The following JAK3 variants were observed in gnomAD, a reference collection of about 807,000 sequenced individuals.
JAK3 encodes Janus kinase 3, also known as tyrosine-protein kinase JAK3.
A neutral mutation model predicts 120.8 loss-of-function variants in JAK3; 88 were observed. The observed-to-expected ratio is 0.73, with a 90% confidence interval of 0.61 to 0.87. JAK3 has a LOEUF of 0.87. Ranked by LOEUF, JAK3 falls within the 40% of genes least tolerant of loss-of-function variation. The pLI is 0.00. For missense variants in JAK3, 1,254 were observed against 1,501.4 expected (o/e 0.84, Z 2.72); for synonymous variants, 592 against 628.6 (o/e 0.94, Z 0.87).
chr19:17,843,267 C>T lies in JAK3; in HGVS notation c.421-95G>A, dbSNP rs2094244516. 1.3e-6 allele frequency: 2 copies of T among 1,540,106 alleles called. No individual in the cohort carries two copies. Among genetic ancestry groups the T allele is most frequent in the African/African-American group, 1.4e-5 (1 of 73,014 alleles). On this transcript the variant is annotated intron_variant, in intron 4 of 23. Coordinates refer to ENST00000458235, the MANE Select transcript of JAK3 (RefSeq NM_000215.4). The surrounding 1 kb of genome is among the most constrained non-coding windows in gnomAD (Gnocchi z 5.4). ...CCCCCCAATCCTGGGCTGACCCCCA[C>T]CCCTGGACTGCCACAGGGAGGGTCA...
At chr19:17,846,677 T>C (rs2094252859) in intron 1 of JAK3, among the ~76,000 whole-genome samples, 1 of 151,908 alleles carries the variant, frequency 6.6e-6, no homozygotes, top group Non-Finnish European at 1.5e-5. Context: ...CTCTGCCTCC[T>C]GGGTTCAAGC....
At position 17,825,087 on chromosome 19, in the gene JAK3, C is replaced by T. The variant is rs2094201733; in HGVS notation, c.*1656G>A. On this transcript the variant is annotated 3_prime_UTR_variant, in exon 24 of 24. Transcript: ENST00000458235. ...GGAGGAGCAGCAGAAGCTTAACCTGCATGAGAATCCCTCTCACCAGTCAGA... is the reference window on the plus strand; with the variant it reads ...GGAGGAGCAGCAGAAGCTTAACCTGTATGAGAATCCCTCTCACCAGTCAGA... 4.4e-6 allele frequency: 1 copy of T among 229,196 alleles called. No individual in the cohort carries two copies. Among genetic ancestry groups the T allele is most frequent in the Non-Finnish European group, 8.7e-6 (1 of 115,562 alleles). 14.2% of individuals were successfully genotyped at this position (229,196 alleles called of 1,614,324 possible).
rs3212730 is a variant in JAK3 at position 17,841,800 on chromosome 19, T to G, written c.862-38A>C. The G allele has an allele frequency of 0.24, 381,919 of 1,597,690 alleles. 46,751 individuals are homozygous for G. The highest frequency in any genetic ancestry group is 0.32 in the Admixed American group (19,208 of 59,884). On this transcript the variant is annotated intron_variant, in intron 6 of 23. Coordinates refer to ENST00000458235, the MANE Select transcript of JAK3 (RefSeq NM_000215.4). The surrounding 1 kb of genome is among the most constrained non-coding windows in gnomAD (Gnocchi z 4.1). ...GGGAGTACCGAAGTGGGGGCCCAGC[T>G]GGACCCCGCCAAACCACGCCCATGA...
chr19:17,837,114 G>A lies in JAK3; in HGVS notation c.1786+15C>T, dbSNP rs751408569. The A allele has an allele frequency of 3.7e-6, 5 of 1,346,034 alleles. No homozygotes were observed. The highest frequency in any genetic ancestry group is 3.3e-5 in the East Asian group (1 of 29,884). The allele number at this position is 1,346,034 out of a possible 1,614,324, so 83.4% of individuals were successfully genotyped here. A position where few individuals can be genotyped will look rare whatever the true frequency, so the allele number is the denominator to read the frequency against. On this transcript the variant is annotated intron_variant, in intron 13 of 23. Transcript: ENST00000458235. ...GGTGAGGCAGGGGTGGGGTGGGTGG[G>A]TGGGGGGCTCTCACTGTCTCCAGCC...
chr19:17,826,984 G>A lies in JAK3; in HGVS notation c.3208-74C>T, dbSNP rs115332460. 1,508 of 1,528,668 alleles carry A rather than the reference G, an allele frequency of 9.9e-4. 14 individuals carry two copies. The African/African-American group carries it at 0.017, about 17-fold the overall frequency. The allele number at this position is 1,528,668 out of a possible 1,614,324, so 94.7% of individuals were successfully genotyped here. On this transcript the variant is annotated intron_variant, in intron 23 of 23. Coordinates refer to ENST00000458235, the MANE Select transcript of JAK3 (RefSeq NM_000215.4). ...GACACAACTCCCATTCAGCGTATTT[G>A]TTTTTGTTTTTTTGAGACGGAGTCT...
chr19:17,831,678 C>CAGAT lies in JAK3; in HGVS notation c.2797_2800dup (p.Cys934TyrfsTer35). On this transcript the variant is annotated frameshift_variant, in exon 20 of 24. Coordinates refer to ENST00000458235, the MANE Select transcript of JAK3 (RefSeq NM_000215.4). LOFTEE classifies it high-confidence loss of function. The surrounding 1 kb of genome is among the most constrained non-coding windows in gnomAD (Gnocchi z 5.1). The stretch of plus-strand genomic sequence containing the variant: ...TCCCGGGGCGCCCCCTCGCACCTTG[C>CAGAT]AGATCTGCGAGGAATAGAGAAGGAG... The CAGAT allele has an allele frequency of 6.2e-7, 1 of 1,607,864 alleles. No individual in the cohort carries two copies. Among genetic ancestry groups the CAGAT allele is most frequent in the East Asian group, 2.2e-5 (1 of 44,672 alleles).
At chr19:17,836,710 C>A (rs950226339) in intron 13 of JAK3, 14 of 429,328 alleles carry the variant, frequency 3.3e-5, no homozygotes, top group African/African-American at 2.6e-4. Flanking sequence ...GCCCAACCCC[C>A]AGGCTGGCCC....
Position 17,841,700 on chromosome 19 carries a change from G to A in JAK3, c.924C>T (p.Arg308=), listed in dbSNP as rs745954603. ...IVDISIKQAP[R]VGPAGEHRLV... ...GGCGGTGCTCTCCGGCCGGGCCAACGCGCGGGGCCTGCTTGATGCTAATGT... is the reference window on the plus strand; with the variant it reads ...GGCGGTGCTCTCCGGCCGGGCCAACACGCGGGGCCTGCTTGATGCTAATGT... Residue 308 remains arginine (R), a synonymous_variant, in exon 7 of 24, where the codon CGC becomes CGT. Transcript: ENST00000458235. The surrounding 1 kb of genome is among the most constrained non-coding windows in gnomAD (Gnocchi z 4.1). The A allele has an allele frequency of 6.2e-7, 1 of 1,613,596 alleles. No homozygotes were observed. Among genetic ancestry groups the A allele is most frequent in the Non-Finnish European group, 8.5e-7 (1 of 1,179,984 alleles).
In JAK3 at chr19:17,830,149, C is replaced by T; in HGVS notation, c.3166G>A (p.Glu1056Lys). The T allele has an allele frequency of 6.3e-7, 1 of 1,594,768 alleles. No individual in the cohort carries two copies. Among genetic ancestry groups the T allele is most frequent in the Non-Finnish European group, 8.5e-7 (1 of 1,171,798 alleles). The change falls in exon 23 of 24, where the codon GAG (glutamate) becomes AAG (lysine). Residue 1056 changes from glutamate to lysine, a missense_variant. Physicochemically the swap from Glu to Lys is moderately conservative, Grantham distance 56. Coordinates refer to ENST00000458235, the MANE Select transcript of JAK3 (RefSeq NM_000215.4). ...ALCRLLELLE[E>K]GQRLPAPPAC... is the part of the protein sequence containing the mutation. ...GGAGGCGCCGGCAGCCTCTGGCCCT[C>T]CTCCAGCAGTTCCAAGAGGCGGCAG...
intron 23 of JAK3, among the ~76,000 whole-genome samples, chr19:17,828,165 C>G (rs1013645135): frequency 7.2e-5 from 11 of 152,150 alleles, no homozygotes; most frequent in Non-Finnish European, 1.6e-4. Flanking sequence ...TGACCACCCC[C>G]ACCCCACCAT....
chr19:17,831,336 A>G lies in JAK3; in HGVS notation c.2870T>C (p.Val957Ala). The change falls in exon 21 of 24, where the codon GTG (valine) becomes GCG (alanine). Residue 957 changes from valine to alanine, a missense_variant. Val to Ala is a moderately conservative substitution (Grantham distance 64). Around this residue, in one of 3 missense-constraint regions of JAK3, gnomAD observed 630 missense variants for 819.8 expected, o/e 0.77. Transcript: ENST00000458235. The surrounding 1 kb of genome is among the most constrained non-coding windows in gnomAD (Gnocchi z 5.1). ...HRDLAARNIL[V>A]ESEAHVKIAD... ...GATCTTGACGTGTGCCTCGCTCTCC[A>G]CGAGGATGTTTCGGGCGGCCAGGTC... The G allele has an allele frequency of 6.2e-7, 1 of 1,611,734 alleles. No individual in the cohort carries two copies. Among genetic ancestry groups the G allele is most frequent in the Non-Finnish European group, 8.5e-7 (1 of 1,179,832 alleles).
Position 17,826,784 on chromosome 19 carries a change from C to T in JAK3, c.3334G>A (p.Ala1112Thr), listed in dbSNP as rs2147669759. The change falls in exon 24 of 24, where the codon GCT becomes ACT. Residue 1112 changes from alanine (A) to threonine (T), a missense_variant. Coordinates refer to ENST00000458235, the MANE Select transcript of JAK3 (RefSeq NM_000215.4). Reference sequence around the variant, plus strand: ...GAGTGGTGTTTGCCCTCTGGGTGAGCAGTGAAGGCATGAGTCTCACACCCC... The same window carrying T: ...GAGTGGTGTTTGCCCTCTGGGTGAGTAGTGAAGGCATGAGTCTCACACCCC... ...SRGCETHAFT[A>T]HPEGKHHSLS... The T allele has an allele frequency of 6.2e-7, 1 of 1,614,044 alleles. No homozygotes were observed. Among genetic ancestry groups the T allele is most frequent in the Non-Finnish European group, 8.5e-7 (1 of 1,179,968 alleles).
rs200685231 is a variant in JAK3, at chr19:17,834,629, C to T, written c.2292G>A (p.Pro764=). 49 of 1,614,082 alleles carry T rather than the reference C, an allele frequency of 3.0e-5. No individual in the cohort carries two copies. In the East Asian group the frequency reaches 4.5e-4, roughly 15 times the overall value. ...LLIQQCMAYE[P]VQRPSFRAVI... is the part of the protein sequence containing the mutation. ...CGGCTCGGAAGGAGGGCCTCTGGAC[C>T]GGCTCATAGGCCATGCACTGTTGAA... The change falls in exon 17 of 24, where the codon CCG becomes CCA. Residue 764 remains proline, a synonymous_variant. Transcript: ENST00000458235.
At position 17,834,818 on chromosome 19, in the gene JAK3, G is replaced by T. The variant is rs1181632132; in HGVS notation, c.2199+34C>A. The T allele has an allele frequency of 5.0e-6, 8 of 1,613,672 alleles. No homozygotes were observed. In the South Asian group the frequency reaches 8.8e-5, roughly 18 times the overall value. On this transcript the variant is annotated intron_variant, in intron 16 of 23. Transcript: ENST00000458235. ...AGTCTGCCCTTCTGTCAAAGTGGGG[G>T]TTCGGAGACCGATGCCGGGTGAGGG...
rs886992826 is a variant in JAK3, at chr19:17,842,951, G to C, written c.566+76C>G. 9.5e-6 allele frequency: 15 copies of C among 1,579,212 alleles called. No homozygotes were observed. In the African/African-American group the frequency reaches 2.0e-4, roughly 21 times the overall value. ...CTTGCAGGAGAACTCCATGGTGGGA[G>C]CCCGGCAAAGCCCCGATGGAGCCCA... On this transcript the variant is annotated intron_variant, in intron 5 of 23. Coordinates refer to ENST00000458235, the MANE Select transcript of JAK3 (RefSeq NM_000215.4). The surrounding 1 kb of genome is among the most constrained non-coding windows in gnomAD (Gnocchi z 6.4).
In JAK3 at chr19:17,830,530, G is replaced by T; in HGVS notation, c.3069C>A (p.Tyr1023Ter). 6.2e-7 allele frequency: 1 copy of T among 1,613,812 alleles called. No homozygotes were observed. The highest frequency in any genetic ancestry group is 8.5e-7 in the Non-Finnish European group (1 of 1,179,824). Residue 1023 changes from tyrosine (Y) to a stop codon, truncating the protein, a stop_gained, in exon 22 of 24, where the codon TAC becomes TAA. Coordinates refer to ENST00000458235, the MANE Select transcript of JAK3 (RefSeq NM_000215.4). LOFTEE classifies it high-confidence loss of function. ...CCGAGGGGCTGCAGCTTTTGTCGCA[G>T]TAGGTGAAGAGCTCGTACAGGACGA... is the stretch of plus-strand genomic sequence containing the variant. ...FGVVLYELFT[Y>*]CDKSCSPSAE... is the part of the protein sequence containing the mutation.
rs1379698231 is a variant in JAK3 at position 17,830,076 on chromosome 19, T to C, written c.3207+32A>G. ...CGAGACCCCGGCCCAATCTACAGAC[T>C]GGGAAACTGAGGCTAGCCCTGCGGC... On this transcript the variant is annotated intron_variant, in intron 23 of 23. Coordinates refer to ENST00000458235, the MANE Select transcript of JAK3 (RefSeq NM_000215.4). 2.0e-6 allele frequency: 3 copies of C among 1,503,204 alleles called. No homozygotes were observed. The East Asian group carries it at 7.3e-5, about 37-fold the overall frequency. The allele number at this position is 1,503,204 out of a possible 1,614,324, so 93.1% of individuals were successfully genotyped here.
chr19:17,835,834 G>T, intron 14 of JAK3, 90 bp downstream of exon 14: 1 of 1,542,966 alleles, frequency 6.5e-7, no homozygotes, highest in Admixed American at 1.8e-5. Flanking sequence ...AAACTCCTAT[G>T]CATACTACAG....
chr19:17,844,457 C>T lies in JAK3; in HGVS notation c.-13-27G>A, dbSNP rs200442606. ...TGGGGCACAGAGAGAAAAAGCCCCT[C>T]AGTCCTGGTCAGAGGGGATTGGACT... On this transcript the variant is annotated intron_variant, in intron 1 of 23. Coordinates refer to ENST00000458235, the MANE Select transcript of JAK3 (RefSeq NM_000215.4). The T allele has an allele frequency of 1.0e-4, 159 of 1,573,696 alleles. 1 individual carries two copies. The highest frequency in any genetic ancestry group is 2.6e-5 in the Non-Finnish European group (30 of 1,158,658).
Sources: gnomAD v4.1 joint callset for allele counts (sites outside exome capture counted in the v4.1 genomes callset) on GRCh38, gnomAD v4.1.1 for gene constraint, gnomAD v4.1.1 regional missense constraint, Gnocchi (gnomAD v3.1) non-coding constraint, MANE v1.5 for transcripts, NCBI Gene and HGNC (gene_info 2026-07-23, HGNC 2026-07-21) for gene names.